KCNK5: variants seen among roughly 807,000 people sequenced by gnomAD.
The protein encoded by KCNK5 is potassium two pore domain channel subfamily K member 5.
KCNK5 carries 18 observed loss-of-function variants against 32.9 expected under a neutral mutation model. The ratio of observed to expected loss-of-function variants is 0.55; its 90% CI spans 0.38 to 0.81. The LOEUF (loss-of-function observed/expected upper bound fraction) is 0.81. Ranked by LOEUF, KCNK5 falls within the 30% of genes least tolerant of loss-of-function variation. KCNK5 has a pLI of 0.00. For synonymous variants in KCNK5, 276 were observed against 275.3 expected, an observed-to-expected ratio of 1.00 and a Z score of -0.03; for missense variants, 507 against 651.0, an observed-to-expected ratio of 0.78 and a Z score of 2.41.
At chr6:39,223,586 C>G (rs539900412) in intron 1 of KCNK5, among the ~76,000 whole-genome samples, 4 of 152,356 alleles carry the variant, frequency 2.6e-5, no homozygotes, top group Admixed American at 6.5e-5. Context: ...CTGGTTCTTG[C>G]AGCACCATGC....
intron 1 of KCNK5, among the ~76,000 whole-genome samples, chr6:39,227,117 C>T (rs575990272): frequency 6.6e-6 from 1 of 151,928 alleles, no homozygotes; most frequent in Non-Finnish European, 1.5e-5. Context: ...CCCGCCCCCC[C>T]CGCCGTATGC....
At chr6:39,197,652 C>T (rs1771053075) in intron 1 of KCNK5, among the ~76,000 whole-genome samples, 2 of 152,200 alleles carry the variant, frequency 1.3e-5, no homozygotes. Context: ...AACATCAAAT[C>T]TGTTTGGAGC....
rs1172287405 is a variant in KCNK5 at position 39,191,650 on chromosome 6, C to T, written c.740G>A (p.Ser247Asn). ...WLSLFVNWKV[S>N]MFVEVHKAIK... ...GGCTTTGTGGACTTCCACAAACATG[C>T]TCACCTTCCAGTTGACAAAAAGGGA... Residue 247 changes from serine to asparagine, a missense_variant, in exon 5 of 5, where the codon AGC (serine) becomes AAC (asparagine). Physicochemically the swap from Ser to Asn is conservative, Grantham distance 46. Transcript: ENST00000359534. The surrounding 1 kb of genome is among the most constrained non-coding windows in gnomAD (Gnocchi z 5.8). The T allele has an allele frequency of 2.5e-6, 4 of 1,614,038 alleles. No homozygotes were observed. The highest frequency in any genetic ancestry group is 2.2e-5 in the East Asian group (1 of 44,834).
rs78642057 is a variant in KCNK5 at position 39,200,328 on chromosome 6, C to T, written c.187-4341G>A. Among the ~76,000 whole-genome samples, 322 of 152,296 alleles carry T rather than the reference C, an allele frequency of 2.1e-3. 3 individuals are homozygous for T. The highest frequency in any genetic ancestry group is 7.6e-3 in the African/African-American group (315 of 41,568). ...TTGTTTGGGAACGGAGTAGAGTTCCCTGTCTCCATCACCGTCACCATAAAG... is the reference window on the plus strand; with the variant it reads ...TTGTTTGGGAACGGAGTAGAGTTCCTTGTCTCCATCACCGTCACCATAAAG... On this transcript the variant is annotated intron_variant, in intron 1 of 4. Coordinates refer to ENST00000359534, the MANE Select transcript of KCNK5 (RefSeq NM_003740.4).
At chr6:39,203,686 G>C (rs1016706281) in intron 1 of KCNK5, among the ~76,000 whole-genome samples, 1 of 152,214 alleles carries the variant, frequency 6.6e-6, no homozygotes, top group African/African-American at 2.4e-5. Context: ...GTGGCTCTCG[G>C]TACAGGCTGC....
At chr6:39,207,105 C>A (rs1441658434) in intron 1 of KCNK5, among the ~76,000 whole-genome samples, 1 of 152,200 alleles carries the variant, frequency 6.6e-6, no homozygotes, top group African/African-American at 2.4e-5. Context: ...CAGTTCACCC[C>A]CCTGTGCCTT....
chr6:39,224,892 T>G (rs1035540884), intron 1 of KCNK5, among the ~76,000 whole-genome samples: 4 of 152,136 alleles, frequency 2.6e-5, no homozygotes, highest in Non-Finnish European at 4.4e-5. Context: ...GTTAGGTTTT[T>G]TTTTTTCTTT....
chr6:39,209,925 CA>C (rs60779402), intron 1 of KCNK5, among the ~76,000 whole-genome samples: 3,168 of 152,256 alleles, frequency 0.021, 65 homozygotes, highest in African/African-American at 0.05. Context: ...GGTTATGGAT[CA>C]AAAGGCTCGA....
intron 1 of KCNK5, among the ~76,000 whole-genome samples, chr6:39,219,383 G>T (rs546236252): frequency 6.6e-6 from 1 of 152,140 alleles, no homozygotes; most frequent in Admixed American, 6.6e-5. Context: ...CTTGCGAGGG[G>T]GGTATAATTA....
chr6:39,211,926 T>A (rs1771350126), intron 1 of KCNK5, among the ~76,000 whole-genome samples: 1 of 151,820 alleles, frequency 6.6e-6, no homozygotes, highest in Admixed American at 6.6e-5. Flanking sequence ...ATCGTACCAT[T>A]GCATTCCAGC....
intron 1 of KCNK5, among the ~76,000 whole-genome samples, chr6:39,210,471 T>C (rs1771315503): frequency 1.3e-5 from 2 of 152,164 alleles, no homozygotes; most frequent in African/African-American, 2.4e-5. Context: ...ACACCTGCTA[T>C]AAATGCCAGA....
rs149921724 is a variant in KCNK5, at chr6:39,191,421, C to G, written c.969G>C (p.Pro323=). Residue 323 remains proline (P), a synonymous_variant, in exon 5 of 5, where the codon CCG becomes CCC. Transcript: ENST00000359534. The surrounding 1 kb of genome is among the most constrained non-coding windows in gnomAD (Gnocchi z 5.8). The part of the protein sequence containing the change: ...MKTSGGGETG[P]GPGLGPQGGG... ...CGCCTTGAGGCCCCAGCCCTGGGCCCGGGCCCGTCTCCCCACCCCCGCTTG... is the reference window on the plus strand; with the variant it reads ...CGCCTTGAGGCCCCAGCCCTGGGCCGGGGCCCGTCTCCCCACCCCCGCTTG... 4 of 1,613,112 alleles carry G rather than the reference C, an allele frequency of 2.5e-6. No individual in the cohort carries two copies. The highest frequency in any genetic ancestry group is 3.3e-5 in the Admixed American group (2 of 59,998).
At chr6:39,227,243 C>A (rs1175264766) in intron 1 of KCNK5, among the ~76,000 whole-genome samples, 1 of 152,048 alleles carries the variant, frequency 6.6e-6, no homozygotes, top group African/African-American at 2.4e-5. Context: ...GGAAACACTT[C>A]GAGGGCAGCT....
intron 1 of KCNK5, among the ~76,000 whole-genome samples, chr6:39,228,089 T>G (rs1227642281): frequency 1.3e-5 from 2 of 152,044 alleles, no homozygotes; most frequent in South Asian, 4.2e-4. Flanking sequence ...GGCAGCCCGT[T>G]TATCCAAAGT....
chr6:39,191,048 T>G lies in KCNK5; in HGVS notation c.1342A>C (p.Ser448Arg), dbSNP rs765129924. The G allele has an allele frequency of 3.0e-5, 49 of 1,611,280 alleles. No individual in the cohort carries two copies. The highest frequency in any genetic ancestry group is 1.6e-4 in the Middle Eastern group (1 of 6,076). The stretch of plus-strand genomic sequence containing the variant: ...TTGGCTTCAGCCCCCTGCTGGGGGC[T>G]CTCCTCCCCTGCCAAGTTGTCCTCT... ...SLEDNLAGEE[S>R]PQQGAEAKAP... The change falls in exon 5 of 5, where the codon AGC becomes CGC. Residue 448 changes from serine to arginine, a missense_variant. Ser to Arg is a moderately radical substitution (Grantham distance 110). Around this residue, in one of 6 missense-constraint regions of KCNK5, gnomAD observed 252 missense variants for 250.8 expected, o/e 1.00. Coordinates refer to ENST00000359534, the MANE Select transcript of KCNK5 (RefSeq NM_003740.4). This position sits in a 1 kb window ranked among gnomAD's most constrained non-coding sequence, Gnocchi z 5.8.
chr6:39,210,964 C>T (rs1284460865), intron 1 of KCNK5, among the ~76,000 whole-genome samples: 5 of 152,116 alleles, frequency 3.3e-5, no homozygotes, highest in Non-Finnish European at 7.3e-5. Context: ...AAACAGTGCC[C>T]GCCCCTCCTC....
At position 39,229,230 on chromosome 6, in the gene KCNK5, C is replaced by T; in HGVS notation, c.-119G>A. The T allele has an allele frequency of 1.0e-6, 1 of 977,816 alleles. No homozygotes were observed. Among genetic ancestry groups the T allele is most frequent in the Non-Finnish European group, 1.5e-6 (1 of 669,228 alleles). The allele number at this position is 977,816 out of a possible 1,614,324, so 60.6% of individuals were successfully genotyped here. A position where few individuals can be genotyped will look rare whatever the true frequency, so the allele number is the denominator to read the frequency against. On this transcript the variant is annotated 5_prime_UTR_variant, in exon 1 of 5. Coordinates refer to ENST00000359534, the MANE Select transcript of KCNK5 (RefSeq NM_003740.4). ...ATTTGGAGCTCCGCATGCGCAGTGC[C>T]CGGTACTCACCCCCCGCAAGCACCG...
chr6:39,228,781 CATG>C (rs1469954001), intron 1 of KCNK5, 142 bp downstream of exon 1: 1 of 749,748 alleles, frequency 1.3e-6, no homozygotes, highest in Non-Finnish European at 2.1e-6. Flanking sequence ...AAGCCTGACC[CATG>C]ATGAGACACG....
intron 4 of KCNK5, among the ~76,000 whole-genome samples, chr6:39,192,883 C>A (rs1770965659): frequency 6.6e-6 from 1 of 152,294 alleles, no homozygotes; most frequent in East Asian, 1.9e-4. Context: ...AGGAAGGGGG[C>A]TACCTCTCTC....
Sources: gnomAD v4.1 joint callset for allele counts (sites outside exome capture counted in the v4.1 genomes callset) on GRCh38, gnomAD v4.1.1 for gene constraint, gnomAD v4.1.1 regional missense constraint, Gnocchi (gnomAD v3.1) non-coding constraint, MANE v1.5 for transcripts, NCBI Gene and HGNC (gene_info 2026-07-23, HGNC 2026-07-21) for gene names.